The following CD274 variants were observed in gnomAD, a reference collection of about 807,000 sequenced individuals.
CD274 encodes CD274 molecule.
CD274 carries 8 observed loss-of-function variants against 30.1 expected under a neutral mutation model. The ratio of observed to expected loss-of-function variants is 0.27; its 90% CI spans 0.16 to 0.48. CD274 has a LOEUF of 0.48. Ranked by LOEUF, CD274 falls within the 20% of genes least tolerant of loss-of-function variation. The probability of loss-of-function intolerance (pLI) is 0.99; values close to 1 mark genes in which losing one functional copy is unlikely to be tolerated. For synonymous variants in CD274, 152 were observed against 124.6 expected (o/e 1.22, Z -1.46); for missense variants, 353 against 346.6 (o/e 1.02, Z -0.15).
At chr9:5,453,578 A>G (rs1032690721) in intron 1 of CD274, among the ~76,000 whole-genome samples, 2 of 152,230 alleles carry the variant, frequency 1.3e-5, no homozygotes, top group South Asian at 2.1e-4. Flanking sequence ...AGAGGGATTA[A>G]ATATTATGGA....
At chr9:5,455,609 T>A (rs922629888) in intron 1 of CD274, among the ~76,000 whole-genome samples, 8 of 152,192 alleles carry the variant, frequency 5.3e-5, no homozygotes, top group African/African-American at 1.9e-4. Flanking sequence ...AGGACTAGCA[T>A]GGCTGAGACA....
At chr9:5,453,886 T>C (rs936510870) in intron 1 of CD274, among the ~76,000 whole-genome samples, 2 of 152,168 alleles carry the variant, frequency 1.3e-5, no homozygotes, top group African/African-American at 4.8e-5. Context: ...TAGATAGCAA[T>C]AGCAGTCCTC....
Position 5,470,429 on chromosome 9 carries a change from G to C in CD274, c.*2567G>C. ...AGAGATGATACCTAATTCTGCATTT[G>C]ATTGTCACTTTTTGTACCTGCATTA... On this transcript the variant is annotated 3_prime_UTR_variant, in exon 7 of 7. Coordinates refer to ENST00000381577, the MANE Select transcript of CD274 (RefSeq NM_014143.4). The C allele has an allele frequency of 4.4e-6, 1 of 229,716 alleles. No individual in the cohort carries two copies. Among genetic ancestry groups the C allele is most frequent in the Non-Finnish European group, 8.6e-6 (1 of 115,898 alleles). The allele number at this position is 229,716 out of a possible 1,614,324, so 14.2% of individuals were successfully genotyped here. A position where few individuals can be genotyped will look rare whatever the true frequency, so the allele number is the denominator to read the frequency against.
Position 5,452,802 on chromosome 9 carries a change from T to G in CD274, c.-15+2206T>G, listed in dbSNP as rs76502383. 6.6e-5 allele frequency among the ~76,000 whole-genome samples: 10 copies of G among 152,244 alleles called. No homozygotes were observed. The East Asian group carries it at 1.5e-3, about 23-fold the overall frequency. ...TTAAAGGACAAGAACTCCACCAGAGTAGGCCATAAACATTGGCAAAATTAG... is the reference window on the plus strand; with the variant it reads ...TTAAAGGACAAGAACTCCACCAGAGGAGGCCATAAACATTGGCAAAATTAG... On this transcript the variant is annotated intron_variant, in intron 1 of 6. Transcript: ENST00000381577.
chr9:5,456,900 T>C (rs942391327), intron 2 of CD274, among the ~76,000 whole-genome samples, 179 bp from the exon 3 acceptor site: 8 of 152,198 alleles, frequency 5.3e-5, no homozygotes, highest in African/African-American at 1.9e-4. Context: ...TGTCTCAGCA[T>C]GAGATATAGT....
chr9:5,463,817 A>G (rs1415043593), intron 4 of CD274, among the ~76,000 whole-genome samples: 3 of 152,198 alleles, frequency 2.0e-5, no homozygotes, highest in African/African-American at 7.2e-5. Context: ...GTGTATGAAA[A>G]TGATTTGAGA....
chr9:5,459,398 G>A lies in CD274; in HGVS notation c.394+1978G>A, dbSNP rs182513902. ...ACCAAGCTTCACTTGCACTGAGGCC[G>A]TGTCTCCAATGGAAATGAGGCAGCT... On this transcript the variant is annotated intron_variant, in intron 3 of 6. Coordinates refer to ENST00000381577, the MANE Select transcript of CD274 (RefSeq NM_014143.4). Among the ~76,000 whole-genome samples the A allele has an allele frequency of 2.2e-3, 340 of 152,292 alleles. 2 individuals carry two copies. Among genetic ancestry groups the A allele is most frequent in the African/African-American group, 7.7e-3 (319 of 41,572 alleles).
At position 5,469,878 on chromosome 9, in the gene CD274, T is replaced by C. The variant is rs1397934234; in HGVS notation, c.*2016T>C. Reference sequence around the variant, plus strand: ...AATCATGTCTGGAACTTTTGTTTTCTGCTTTCTGTCAAGTATAAACTTCAC... The same window carrying C: ...AATCATGTCTGGAACTTTTGTTTTCCGCTTTCTGTCAAGTATAAACTTCAC... On this transcript the variant is annotated 3_prime_UTR_variant, in exon 7 of 7. Coordinates refer to ENST00000381577, the MANE Select transcript of CD274 (RefSeq NM_014143.4). 8.6e-6 allele frequency: 2 copies of C among 233,070 alleles called. No homozygotes were observed. The highest frequency in any genetic ancestry group is 1.7e-5 in the Non-Finnish European group (2 of 117,964). 14.4% of individuals were successfully genotyped at this position (233,070 alleles called of 1,614,324 possible).
intron 1 of CD274, among the ~76,000 whole-genome samples, chr9:5,452,567 T>C (rs1329095961): frequency 1.3e-5 from 2 of 152,242 alleles, no homozygotes; most frequent in Non-Finnish European, 2.9e-5. Context: ...TTAGACCAAC[T>C]GCCCTGATAT....
intron 4 of CD274, 65 bp downstream of exon 4, chr9:5,463,186 C>A (rs2131225130): frequency 8.2e-7 from 1 of 1,223,692 alleles, no homozygotes; most frequent in Non-Finnish European, 1.2e-6. Context: ...AGCATGATGT[C>A]TGCCTATCAT....
intron 3 of CD274, among the ~76,000 whole-genome samples, chr9:5,459,830 A>G (rs1819373203): frequency 6.6e-6 from 1 of 152,164 alleles, no homozygotes; most frequent in Admixed American, 6.6e-5. Context: ...AGTGTTGCAT[A>G]GTTGTCCCGA....
intron 4 of CD274, among the ~76,000 whole-genome samples, chr9:5,463,891 G>A (rs1819451697): frequency 6.7e-6 from 1 of 149,372 alleles, no homozygotes; most frequent in African/African-American, 2.4e-5. Flanking sequence ...TAGGTAGGGT[G>A]GGAGACAGAG....
rs1032319869 is a variant in CD274, at chr9:5,468,305, T to C, written c.*443T>C. On this transcript the variant is annotated 3_prime_UTR_variant, in exon 7 of 7. Coordinates refer to ENST00000381577, the MANE Select transcript of CD274 (RefSeq NM_014143.4). The stretch of plus-strand genomic sequence containing the variant: ...CAGTGTTGGAACGGGACAGTATTTA[T>C]GTATGAGTTTTTCCTATTTATTTTG... The C allele has an allele frequency of 3.7e-5, 9 of 243,024 alleles. No individual in the cohort carries two copies. Among genetic ancestry groups the C allele is most frequent in the Non-Finnish European group, 4.8e-5 (6 of 125,120 alleles). 15.1% of individuals were successfully genotyped at this position (243,024 alleles called of 1,614,324 possible).
At chr9:5,462,166 T>G (rs1819416041) in intron 3 of CD274, among the ~76,000 whole-genome samples, 1 of 152,168 alleles carries the variant, frequency 6.6e-6, no homozygotes. Flanking sequence ...CAGGAACATA[T>G]ATCACTGTTT....
Position 5,457,399 on chromosome 9 carries a change from C to T in CD274, c.373C>T (p.Arg125Ter), listed in dbSNP as rs897885359. Residue 125 changes from arginine to a stop codon, truncating the protein, a stop_gained, in exon 3 of 7, where the codon CGA becomes TGA. Coordinates refer to ENST00000381577, the MANE Select transcript of CD274 (RefSeq NM_014143.4). LOFTEE classifies it high-confidence loss of function. The stretch of plus-strand genomic sequence containing the variant: ...CAGCTATGGTGGTGCCGACTACAAG[C>T]GAATTACTGTGAAAGTCAATGGTAA... ...MISYGGADYK[R>*]ITVKVNAPYN... The T allele has an allele frequency of 1.2e-6, 2 of 1,612,654 alleles. No individual in the cohort carries two copies. Among genetic ancestry groups the T allele is most frequent in the Admixed American group, 1.7e-5 (1 of 59,930 alleles).
rs1386394759 is a variant in CD274 at position 5,466,809 on chromosome 9, C to CAA, written c.832_833dup (p.Asn278LysfsTer38). The CAA allele has an allele frequency of 6.2e-7, 1 of 1,609,332 alleles. No individual in the cohort carries two copies. Among genetic ancestry groups the CAA allele is most frequent in the Non-Finnish European group, 8.5e-7 (1 of 1,177,930 alleles). ...GTGAAAAAATGTGGCATCCAAGATA[C>CAA]AAACTCAAAGAAGCAAAGTGGTAAG... On this transcript the variant is annotated frameshift_variant, in exon 6 of 7. Coordinates refer to ENST00000381577, the MANE Select transcript of CD274 (RefSeq NM_014143.4). LOFTEE classifies it high-confidence loss of function.
Position 5,457,073 on chromosome 9 carries a change from T to A in CD274, c.53-6T>A. The A allele has an allele frequency of 6.3e-7, 1 of 1,584,560 alleles. No individual in the cohort carries two copies. Among genetic ancestry groups the A allele is most frequent in the Non-Finnish European group, 8.6e-7 (1 of 1,158,594 alleles). ...TTTTCTGAAGATTGTCCTTCTTTCT[T>A]TTTAGCATTTACTGTCACGGTTCCC... is the stretch of plus-strand genomic sequence containing the variant. On this transcript the variant is annotated splice_polypyrimidine_tract_variant and splice_region_variant and intron_variant, in intron 2 of 6. Coordinates refer to ENST00000381577, the MANE Select transcript of CD274 (RefSeq NM_014143.4).
Position 5,468,163 on chromosome 9 carries a change from C to G in CD274, c.*301C>G, listed in dbSNP as rs1011988787. On this transcript the variant is annotated 3_prime_UTR_variant, in exon 7 of 7. Coordinates refer to ENST00000381577, the MANE Select transcript of CD274 (RefSeq NM_014143.4). ...AACAAGGAGCCTCCAAGCAAATCAT[C>G]CATTGCTCATCCTAGGAAGACGGGT... is the stretch of plus-strand genomic sequence containing the variant. 14 of 435,298 alleles carry G rather than the reference C, an allele frequency of 3.2e-5. 1 individual carries two copies. In the South Asian group the frequency reaches 6.0e-4, roughly 19 times the overall value. The allele number at this position is 435,298 out of a possible 1,614,324, so 27.0% of individuals were successfully genotyped here. A position where few individuals can be genotyped will look rare whatever the true frequency, so the allele number is the denominator to read the frequency against.
intron 2 of CD274, 26 bp downstream of exon 2, chr9:5,456,191 G>T (rs1819299060): frequency 4.7e-6 from 7 of 1,482,434 alleles, no homozygotes; most frequent in Non-Finnish European, 5.6e-6. Context: ...CTTCCATTAG[G>T]TTCTATATTT....
Sources: allele counts gnomAD v4.1 joint callset (sites outside exome capture counted in the v4.1 genomes callset), GRCh38; gene constraint gnomAD v4.1.1; transcripts MANE v1.5; gene names NCBI Gene and HGNC (gene_info 2026-07-23, HGNC 2026-07-21).